The following CFAP52 variants were observed in gnomAD, a reference collection of about 807,000 sequenced individuals.
CFAP52 encodes cilia and flagella associated protein 52, also known as cilia- and flagella-associated protein 52.
CFAP52 carries 57 observed loss-of-function variants against 70.5 expected under a neutral mutation model. The ratio of observed to expected loss-of-function variants is 0.81; its 90% CI spans 0.65 to 1.01. The LOEUF is 1.01. Ranked by LOEUF, CFAP52 falls within the 50% of genes least tolerant of loss-of-function variation. The pLI, the probability that CFAP52 is intolerant of heterozygous loss-of-function variation, is 0.00. For synonymous variants in CFAP52, 267 were observed against 292.5 expected, an observed-to-expected ratio of 0.91 and a Z score of 0.89; for missense variants, 785 against 788.5, an observed-to-expected ratio of 1.00 and a Z score of 0.05.
chr17:9,587,424 A>G (rs1381358063), intron 3 of CFAP52, among the ~76,000 whole-genome samples: 1 of 152,132 alleles, frequency 6.6e-6, no homozygotes, highest in Non-Finnish European at 1.5e-5. Flanking sequence ...TTCTGTTTTT[A>G]GCTGTTTGAG....
In CFAP52 at chr17:9,587,219, G is replaced by A. The variant is rs529150691; in HGVS notation, c.407+385G>A. The stretch of plus-strand genomic sequence containing the variant: ...TGATCTCATTCTTTTTTATGGCTGC[G>A]TAGTAGTCCATGATGTATATGTACC... On this transcript the variant is annotated intron_variant, in intron 3 of 13. Transcript: ENST00000352665. Among the ~76,000 whole-genome samples the A allele has an allele frequency of 1.4e-4, 22 of 152,172 alleles. No individual in the cohort carries two copies. In the South Asian group the frequency reaches 2.7e-3, roughly 19 times the overall value.
rs58770209 is a variant in CFAP52, at chr17:9,604,750, AAAATAAATAAAT to A, written c.754-3325_754-3314del. On this transcript the variant is annotated intron_variant, in intron 6 of 13. Coordinates refer to ENST00000352665, the MANE Select transcript of CFAP52 (RefSeq NM_145054.5). ...GGGGGACACAGCAAGACTCTGTCTC[AAAATAAATAAAT>A]AAATAAATAAATAAATAAATAAATA... is the stretch of plus-strand genomic sequence containing the variant. 8.3e-3 allele frequency among the ~76,000 whole-genome samples: 1,125 copies of A among 135,050 alleles called. 13 individuals carry two copies. Among genetic ancestry groups the A allele is most frequent in the African/African-American group, 9.4e-3 (346 of 36,808 alleles). 88.6% of individuals were successfully genotyped at this position (135,050 alleles called of 152,430 possible).
At chr17:9,577,055 A>G (rs1261476225) in intron 1 of CFAP52, among the ~76,000 whole-genome samples, 1 of 152,178 alleles carries the variant, frequency 6.6e-6, no homozygotes, top group East Asian at 1.9e-4. Context: ...CCGGATGAGT[A>G]CGGGTGGTTG....
chr17:9,613,548 T>C (rs761943639), intron 8 of CFAP52, among the ~76,000 whole-genome samples: 35 of 151,966 alleles, frequency 2.3e-4, no homozygotes, highest in Non-Finnish European at 3.8e-4. Flanking sequence ...AGCGGAGTCT[T>C]GCTCTGTCAC....
intron 10 of CFAP52, among the ~76,000 whole-genome samples, chr17:9,633,977 G>A (rs779542198): frequency 1.4e-4 from 21 of 152,082 alleles, no homozygotes; most frequent in Non-Finnish European, 2.6e-4. Flanking sequence ...CACCGCGCCT[G>A]GCCCATCTTA....
chr17:9,628,528 T>A, intron 8 of CFAP52, 144 bp from the exon 9 acceptor site: 2 of 1,073,976 alleles, frequency 1.9e-6, no homozygotes, highest in African/African-American at 1.6e-5. Context: ...TCCACCCCCC[T>A]GGCCTCCCAA....
chr17:9,607,394 C>G (rs941490752), intron 6 of CFAP52, among the ~76,000 whole-genome samples: 15 of 152,192 alleles, frequency 9.9e-5, no homozygotes, highest in Admixed American at 3.9e-4. Flanking sequence ...ATTGCTCACG[C>G]ACATTTTAAA....
At chr17:9,608,812 T>C (rs958783202) in intron 7 of CFAP52, among the ~76,000 whole-genome samples, 2 of 152,314 alleles carry the variant, frequency 1.3e-5, no homozygotes, top group South Asian at 2.1e-4. Flanking sequence ...ATGTATTAGA[T>C]ACTATTAATA....
chr17:9,631,056 A>AG (rs1229380118), intron 9 of CFAP52, among the ~76,000 whole-genome samples: 38 of 70,874 alleles, frequency 5.4e-4, no homozygotes, highest in African/African-American at 1.6e-3. Context: ...GAGAGAGAGA[A>AG]AGAAAGAAAG....
intron 1 of CFAP52, among the ~76,000 whole-genome samples, chr17:9,585,005 C>A (rs1436696995): frequency 6.6e-6 from 1 of 152,142 alleles, no homozygotes; most frequent in African/African-American, 2.4e-5. Context: ...GAATATTATG[C>A]TTTGTGAAGT....
At chr17:9,638,819 G>A in intron 12 of CFAP52, 108 bp downstream of exon 12, 2 of 1,059,592 alleles carry the variant, frequency 1.9e-6, no homozygotes, top group Non-Finnish European at 1.4e-6. Flanking sequence ...GTTTCCAATG[G>A]TGGTCTGTCA....
chr17:9,628,585 TA>T, intron 8 of CFAP52, 86 bp from the exon 9 acceptor site: 1 of 1,526,730 alleles, frequency 6.5e-7, no homozygotes, highest in East Asian at 2.4e-5. Flanking sequence ...CCTTTTCCTA[TA>T]TTTTTGTGAA....
chr17:9,631,048 G>GAAAGAAAGAAAGAA (rs1426600738), intron 9 of CFAP52, among the ~76,000 whole-genome samples: 287 of 19,734 alleles, frequency 0.015, 9 homozygotes, highest in African/African-American at 0.029. Flanking sequence ...GAGAGAGAGA[G>GAAAGAAAGAAAGAA]AGAGAGAAAG....
chr17:9,644,540 C>G (rs1451023017), downstream of CFAP52, among the ~76,000 whole-genome samples: 1 of 150,860 alleles, frequency 6.6e-6, no homozygotes, highest in African/African-American at 2.5e-5. Context: ...TTTTGCAAGA[C>G]CTTGCCTGAT....
intron 8 of CFAP52, among the ~76,000 whole-genome samples, chr17:9,615,027 C>T (rs547181226): frequency 6.6e-5 from 10 of 152,266 alleles, no homozygotes; most frequent in South Asian, 4.1e-4. Flanking sequence ...TATAGGACTT[C>T]GCCTTTTAAT....
intron 10 of CFAP52, among the ~76,000 whole-genome samples, chr17:9,634,186 C>T (rs2151951114): frequency 6.6e-6 from 1 of 152,288 alleles, no homozygotes; most frequent in East Asian, 1.9e-4. Context: ...CCTTCCCTTT[C>T]TCTTTGAGAT....
chr17:9,601,663 C>G (rs985128037), intron 6 of CFAP52, among the ~76,000 whole-genome samples: 2 of 152,194 alleles, frequency 1.3e-5, no homozygotes, highest in Non-Finnish European at 2.9e-5. Flanking sequence ...TATTTACAGA[C>G]TTCCTAGCAA....
intron 2 of CFAP52, 83 bp downstream of exon 2, chr17:9,586,055 C>T (rs1183730512): frequency 7.2e-7 from 1 of 1,392,226 alleles, no homozygotes; most frequent in Non-Finnish European, 1.0e-6. Flanking sequence ...GTTGTTAGTT[C>T]TATGTGGCAA....
chr17:9,599,510 A>G (rs991405715), intron 5 of CFAP52, among the ~76,000 whole-genome samples: 1 of 152,196 alleles, frequency 6.6e-6, no homozygotes, highest in Admixed American at 6.5e-5. Context: ...AACCAGATAG[A>G]CTTCAAGTGA....
Sources: gnomAD v4.1 joint callset for allele counts (sites outside exome capture counted in the v4.1 genomes callset) on GRCh38, gnomAD v4.1.1 for gene constraint, MANE v1.5 for transcripts, NCBI Gene and HGNC (gene_info 2026-07-23, HGNC 2026-07-21) for gene names.